AGBL1: variants seen among roughly 807,000 people sequenced by gnomAD.
The protein encoded by AGBL1 is AGBL carboxypeptidase 1.
In AGBL1, 130 loss-of-function variants were observed where a neutral mutation model predicts 118.9. The observed-to-expected ratio is 1.09, with a 90% CI of 0.95 to 1.26. The LOEUF is 1.26. Among genes scored for constraint, AGBL1 ranks in the 50% most tolerant of loss-of-function variants. The pLI is 0.00. For synonymous variants in AGBL1, 555 were observed against 478.9 expected (o/e 1.16, Z -2.08); for missense variants, 1,584 against 1,298.1 (o/e 1.22, Z -3.38).
intron 22 of AGBL1, among the ~76,000 whole-genome samples, chr15:86,797,803 A>G (rs918858111): frequency 2.0e-5 from 3 of 152,184 alleles, no homozygotes; most frequent in African/African-American, 7.2e-5. Flanking sequence ...AGAACCTGCA[A>G]AGGGAAGGAA....
chr15:86,694,527 C>G (rs560888909), intron 22 of AGBL1, among the ~76,000 whole-genome samples: 2 of 152,054 alleles, frequency 1.3e-5, no homozygotes, highest in East Asian at 3.9e-4. Flanking sequence ...GGTATACGAT[C>G]ACATCATCAG....
chr15:86,424,831 C>T (rs2142029768), intron 18 of AGBL1, among the ~76,000 whole-genome samples: 1 of 152,236 alleles, frequency 6.6e-6, no homozygotes, highest in Non-Finnish European at 1.5e-5. Flanking sequence ...AAATCAAAAC[C>T]ACAATGAGAT....
Position 86,863,304 on chromosome 15 carries a change from A to C in AGBL1, c.3159-43783A>C, listed in dbSNP as rs369216150. On this transcript the variant is annotated intron_variant, in intron 22 of 22. Transcript: ENST00000614907. ...AACATTTGACATTCACCCCTAAGGA[A>C]CTGCATATTTCCTCATCAAAGAGAA... Among the ~76,000 whole-genome samples the C allele has an allele frequency of 7.2e-5, 11 of 152,210 alleles. No homozygotes were observed. The East Asian group carries it at 1.3e-3, about 19-fold the overall frequency.
intron 17 of AGBL1, among the ~76,000 whole-genome samples, chr15:86,352,038 C>T (rs963097863): frequency 2.0e-5 from 3 of 152,156 alleles, no homozygotes; most frequent in Non-Finnish European, 2.9e-5. Context: ...ACATTACGGA[C>T]ACTGGGGGCT....
intron 17 of AGBL1, among the ~76,000 whole-genome samples, chr15:86,316,355 C>A (rs1206869071): frequency 6.6e-6 from 1 of 152,070 alleles, no homozygotes; most frequent in Non-Finnish European, 1.5e-5. Context: ...TATTCCTCCT[C>A]TTTCTCTCCT....
chr15:87,022,917 TTTACCACTACCATGCCACCAC>T (rs2141806244), intron 24 of AGBL1, among the ~76,000 whole-genome samples: 1 of 152,138 alleles, frequency 6.6e-6, no homozygotes, highest in South Asian at 2.1e-4. Flanking sequence ...GCTGAGAGAA[TTTACCACTACCATGCCACCAC>T]TACAAGAACT....
At chr15:86,793,889 A>G (rs999039606) in intron 22 of AGBL1, among the ~76,000 whole-genome samples, 8 of 152,238 alleles carry the variant, frequency 5.3e-5, no homozygotes, top group Non-Finnish European at 8.8e-5. Flanking sequence ...GCAAATTAAA[A>G]CAACAATGAG....
rs140076900 is a variant in AGBL1 at position 86,554,675 on chromosome 15, C to T, written c.2994+138C>T. 9.5e-5 allele frequency: 80 copies of T among 843,910 alleles called. No individual in the cohort carries two copies. In the East Asian group the frequency reaches 1.6e-3, roughly 17 times the overall value. 52.3% of individuals were successfully genotyped at this position (843,910 alleles called of 1,614,324 possible). A position where few individuals can be genotyped will look rare whatever the true frequency, so the allele number is the denominator to read the frequency against. On this transcript the variant is annotated intron_variant, in intron 21 of 22. Transcript: ENST00000614907. ...TTTGGTCCTCCCTTGCCTTGAAAAA[C>T]GGGTTCAACAATTGCTTTCACCTGC... is the stretch of plus-strand genomic sequence containing the variant.
intron 6 of AGBL1, among the ~76,000 whole-genome samples, chr15:86,247,420 C>T (rs115735427): frequency 9.7e-4 from 148 of 152,272 alleles, no homozygotes; most frequent in African/African-American, 3.3e-3. Context: ...GCATTCTTGG[C>T]AGGAACACTA....
chr15:86,967,242 G>C (rs544135563), intron 23 of AGBL1, among the ~76,000 whole-genome samples: 239 of 152,174 alleles, frequency 1.6e-3, no homozygotes, highest in Non-Finnish European at 2.6e-3. Flanking sequence ...TGTCAGATGA[G>C]TAGGTTGCAA....
At chr15:86,508,157 T>G (rs2346702) in intron 18 of AGBL1, among the ~76,000 whole-genome samples, 1 of 151,576 alleles carries the variant, frequency 6.6e-6, no homozygotes, top group Non-Finnish European at 1.5e-5. Flanking sequence ...CTCTTGACCT[T>G]GTGATCTGCC....
rs558998612 is a variant in AGBL1, at chr15:86,990,274, G to A, written c.3323+2186G>A. 6.6e-5 allele frequency among the ~76,000 whole-genome samples: 10 copies of A among 152,268 alleles called. No individual in the cohort carries two copies. The South Asian group carries it at 2.1e-3, about 32-fold the overall frequency. On this transcript the variant is annotated intron_variant, in intron 24 of 24. Coordinates refer to the AGBL1 transcript ENST00000441037. Reference sequence around the variant, plus strand: ...TCACATCTATAATCCCAGCACTTTGGGAGGCTGAGGCAGTTGGATCACCTG... The same window carrying A: ...TCACATCTATAATCCCAGCACTTTGAGAGGCTGAGGCAGTTGGATCACCTG...
intron 5 of AGBL1, 78 bp downstream of exon 5, chr15:86,159,104 G>A: frequency 7.5e-7 from 1 of 1,326,418 alleles, no homozygotes; most frequent in Non-Finnish European, 1.1e-6. Context: ...GTATTTTCAT[G>A]ATGCTTCCAG....
chr15:86,245,838 T>A (rs2078711258), intron 6 of AGBL1, among the ~76,000 whole-genome samples: 1 of 152,340 alleles, frequency 6.6e-6, no homozygotes, highest in East Asian at 1.9e-4. Flanking sequence ...TTGTTGAACA[T>A]CCTTAACTGT....
intron 22 of AGBL1, among the ~76,000 whole-genome samples, chr15:86,674,925 C>T (rs1416516718): frequency 6.6e-6 from 1 of 152,128 alleles, no homozygotes; most frequent in African/African-American, 2.4e-5. Context: ...TACTTTGGCT[C>T]AGAGAACCGG....
chr15:86,425,914 A>G (rs892724903), intron 18 of AGBL1, among the ~76,000 whole-genome samples: 2 of 151,868 alleles, frequency 1.3e-5, no homozygotes, highest in African/African-American at 4.8e-5. Context: ...TTGTCCGTCT[A>G]TGGATGGACA....
intron 22 of AGBL1, among the ~76,000 whole-genome samples, chr15:86,831,674 T>G (rs1320701939): frequency 1.3e-5 from 2 of 152,222 alleles, no homozygotes; most frequent in East Asian, 1.9e-4. Context: ...ATAGCCTCCC[T>G]CCTGGCTGCT....
At position 86,991,146 on chromosome 15, in the gene AGBL1, C is replaced by A. The variant is rs548015624; in HGVS notation, c.3323+3058C>A. Among the ~76,000 whole-genome samples, 110 of 152,328 alleles carry A rather than the reference C, an allele frequency of 7.2e-4. 1 individual carries two copies. Among genetic ancestry groups the A allele is most frequent in the African/African-American group, 2.5e-3 (105 of 41,572 alleles). ...AGAAGTAGAGTGTCTAGGATTCTCG[C>A]TGTCTTCTCCCATGATCAGTCCTTA... is the stretch of plus-strand genomic sequence containing the variant. On this transcript the variant is annotated intron_variant, in intron 24 of 24. Coordinates refer to the AGBL1 transcript ENST00000441037.
intron 5 of AGBL1, among the ~76,000 whole-genome samples, chr15:86,167,484 A>T (rs751277188): frequency 8.5e-5 from 13 of 152,152 alleles, no homozygotes; most frequent in Non-Finnish European, 1.9e-4. Flanking sequence ...GACCTCAGGC[A>T]GTCCGCCTAC....
Sources: gnomAD v4.1 joint callset for allele counts (sites outside exome capture counted in the v4.1 genomes callset) on GRCh38, gnomAD v4.1.1 for gene constraint, MANE v1.5 for transcripts, NCBI Gene and HGNC (gene_info 2026-07-23, HGNC 2026-07-21) for gene names.